The following AGAP1 variants were observed in gnomAD, a reference collection of about 807,000 sequenced individuals.
AGAP1 encodes arf-GAP with GTPase, ANK repeat and PH domain-containing protein 1.
A neutral mutation model predicts 105.3 loss-of-function variants in AGAP1; 29 were observed. The observed-to-expected ratio is 0.28, with a 90% CI of 0.21 to 0.38. The LOEUF is 0.38. AGAP1 is among the 10% of genes least tolerant of loss of function. The pLI is 1.00. For missense variants in AGAP1, 998 were observed against 1,165.1 expected (o/e 0.86, Z 2.09); for synonymous variants, 509 against 485.9 (o/e 1.05, Z -0.63).
chr2:235,960,277 C>T lies in AGAP1; in HGVS notation c.1484-8185C>T, dbSNP rs73130476. Among the ~76,000 whole-genome samples, 2,972 of 152,308 alleles carry T rather than the reference C, an allele frequency of 0.02. 88 individuals carry two copies. Among genetic ancestry groups the T allele is most frequent in the African/African-American group, 0.068 (2,832 of 41,554 alleles). ...CTGCAAGGAGCTCATGAATGCTGGC[C>T]TGGCTTTCTGTTTCCATTCTTGAGA... On this transcript the variant is annotated intron_variant, in intron 12 of 17. Coordinates refer to ENST00000304032, the MANE Select transcript of AGAP1 (RefSeq NM_001037131.3). This position sits in a 1 kb window ranked among gnomAD's most constrained non-coding sequence, Gnocchi z 4.9.
chr2:235,858,513 G>T (rs972410238), intron 9 of AGAP1, among the ~76,000 whole-genome samples: 1 of 152,250 alleles, frequency 6.6e-6, no homozygotes, highest in Non-Finnish European at 1.5e-5. Context: ...GATGCAGTAG[G>T]TTAGGGGGAA....
intron 14 of AGAP1, among the ~76,000 whole-genome samples, chr2:236,039,673 A>G (rs922941329): frequency 6.6e-6 from 1 of 152,230 alleles, no homozygotes; most frequent in African/African-American, 2.4e-5. Flanking sequence ...TAAAATGATG[A>G]TGTCAGAGAG....
At chr2:235,743,250 A>G (rs1011595718) in intron 4 of AGAP1, among the ~76,000 whole-genome samples, 4 of 152,220 alleles carry the variant, frequency 2.6e-5, no homozygotes, top group African/African-American at 4.8e-5. Context: ...TGCCCCCCAC[A>G]CAAGTTGCTG....
At chr2:235,911,737 A>G (rs911557424) in intron 11 of AGAP1, among the ~76,000 whole-genome samples, 2 of 152,212 alleles carry the variant, frequency 1.3e-5, no homozygotes, top group Admixed American at 6.5e-5. Flanking sequence ...CTGTTGGGCA[A>G]ATGGGAGGGT....
At chr2:235,939,137 A>T (rs985108591) in intron 12 of AGAP1, among the ~76,000 whole-genome samples, 4 of 152,150 alleles carry the variant, frequency 2.6e-5, no homozygotes, top group Non-Finnish European at 5.9e-5. Context: ...AGGAAAGACA[A>T]CTTTGACACC....
At chr2:236,085,084 T>C (rs1485620406) in intron 16 of AGAP1, among the ~76,000 whole-genome samples, 3 of 151,370 alleles carry the variant, frequency 2.0e-5, no homozygotes, top group Non-Finnish European at 4.4e-5. Flanking sequence ...GGTGTGGTGG[T>C]GTGCGCCTGT....
chr2:235,725,903 C>T lies in AGAP1; in HGVS notation c.310+8259C>T, dbSNP rs990799210. ...GATGCTAACATTATTATTAGATGTT[C>T]AAAAAAATAATAAAAGGGAAGCATG... On this transcript the variant is annotated intron_variant, in intron 3 of 17. Coordinates refer to ENST00000304032, the MANE Select transcript of AGAP1 (RefSeq NM_001037131.3). The surrounding 1 kb of genome is among the most constrained non-coding windows in gnomAD (Gnocchi z 5.7). 4.6e-5 allele frequency among the ~76,000 whole-genome samples: 7 copies of T among 150,630 alleles called. No homozygotes were observed. The highest frequency in any genetic ancestry group is 1.0e-4 in the Non-Finnish European group (7 of 67,772).
rs532148949 is a variant in AGAP1 at position 235,993,799 on chromosome 2, G to A, written c.1645+25176G>A. ...TGTGTAGATGCTGTTCCAGTCCTGG[G>A]GAGCACAGGTGTGTCCTCACGTGCG... On this transcript the variant is annotated intron_variant, in intron 13 of 17. Transcript: ENST00000304032. The surrounding 1 kb of genome is among the most constrained non-coding windows in gnomAD (Gnocchi z 5.0). Among the ~76,000 whole-genome samples the A allele has an allele frequency of 8.0e-4, 121 of 151,894 alleles. 1 individual carries two copies. Among genetic ancestry groups the A allele is most frequent in the African/African-American group, 2.8e-3 (117 of 41,408 alleles).
chr2:235,620,413 G>A lies in AGAP1; in HGVS notation c.164-88766G>A, dbSNP rs999001113. Among the ~76,000 whole-genome samples, 1 of 152,122 alleles carries A rather than the reference G, an allele frequency of 6.6e-6. No homozygotes were observed. The highest frequency in any genetic ancestry group is 1.5e-5 in the Non-Finnish European group (1 of 68,020). ...CTGCCAAAACCTCCTCCTGGCCCTCGCCTTCTGCCACTCTCCCCTTGCTCA... is the reference window on the plus strand; with the variant it reads ...CTGCCAAAACCTCCTCCTGGCCCTCACCTTCTGCCACTCTCCCCTTGCTCA... On this transcript the variant is annotated intron_variant, in intron 1 of 17. Transcript: ENST00000304032. The surrounding 1 kb of genome is among the most constrained non-coding windows in gnomAD (Gnocchi z 4.5).
chr2:235,839,347 C>T (rs910192936), intron 9 of AGAP1, among the ~76,000 whole-genome samples: 1 of 152,306 alleles, frequency 6.6e-6, no homozygotes, highest in East Asian at 1.9e-4. Context: ...ACTCCGTCCA[C>T]GGAGGGTCAG....
intron 1 of AGAP1, among the ~76,000 whole-genome samples, chr2:235,624,405 T>A (rs887843724): frequency 6.6e-6 from 1 of 152,208 alleles, no homozygotes; most frequent in African/African-American, 2.4e-5. Flanking sequence ...TCTGTGTGCA[T>A]GAGGGGAAGC....
rs1166883707 is a variant in AGAP1, at chr2:235,905,042, AGCCCATGCTGAGCTAAAG to A, written c.1156-3695_1156-3678del. 6.6e-6 allele frequency among the ~76,000 whole-genome samples: 1 copy of A among 152,130 alleles called. No homozygotes were observed. The highest frequency in any genetic ancestry group is 1.5e-5 in the Non-Finnish European group (1 of 68,024). ...ACTCAGGCAAGAAAACAGATCCCTT[AGCCCATGCTGAGCTAAAG>A]ATAAATGGGTTCCCTTGCCGCTTTC... On this transcript the variant is annotated intron_variant, in intron 10 of 17. Transcript: ENST00000304032. This position sits in a 1 kb window ranked among gnomAD's most constrained non-coding sequence, Gnocchi z 4.2.
chr2:235,990,397 G>A (rs539782275), intron 13 of AGAP1, among the ~76,000 whole-genome samples: 4 of 152,294 alleles, frequency 2.6e-5, no homozygotes, highest in Non-Finnish European at 5.9e-5. Flanking sequence ...TGTCTGCCTC[G>A]TGATGTTTGG....
In AGAP1 at chr2:236,120,310, C is replaced by T; in HGVS notation, c.2233C>T (p.Leu745=). Residue 745 remains leucine, a synonymous_variant, in exon 17 of 18, where the codon CTG becomes TTG. Transcript: ENST00000304032. This position sits in a 1 kb window ranked among gnomAD's most constrained non-coding sequence, Gnocchi z 6.0. The part of the protein sequence containing the change: ...HLLRATADED[L]RTAILLLAHG... Reference sequence around the variant, plus strand: ...GCTGCGGGCCACCGCCGACGAGGACCTGCGGACGGCCATCCTGCTGCTGGC... The same window carrying T: ...GCTGCGGGCCACCGCCGACGAGGACTTGCGGACGGCCATCCTGCTGCTGGC... 3 of 1,612,728 alleles carry T rather than the reference C, an allele frequency of 1.9e-6. No individual in the cohort carries two copies. Among genetic ancestry groups the T allele is most frequent in the South Asian group, 1.1e-5 (1 of 90,996 alleles).
chr2:236,030,719 G>A (rs115770302), intron 13 of AGAP1, among the ~76,000 whole-genome samples: 129 of 152,314 alleles, frequency 8.5e-4, no homozygotes, highest in African/African-American at 2.9e-3. Flanking sequence ...AGTCAGCTTG[G>A]AGGGGAAGCC....
At chr2:235,687,250 C>T (rs1042183179) in intron 1 of AGAP1, among the ~76,000 whole-genome samples, 1 of 152,312 alleles carries the variant, frequency 6.6e-6, no homozygotes, top group East Asian at 1.9e-4. Flanking sequence ...TTCCACACCA[C>T]AGGAGATGTT....
chr2:235,634,985 G>T (rs116090017), intron 1 of AGAP1, among the ~76,000 whole-genome samples: 3,521 of 151,802 alleles, frequency 0.023, 132 homozygotes, highest in African/African-American at 0.078. Flanking sequence ...GCTGTAGACA[G>T]TGGCCAACCG....
intron 13 of AGAP1, among the ~76,000 whole-genome samples, chr2:236,024,943 C>T (rs904033647): frequency 6.6e-6 from 1 of 152,210 alleles, no homozygotes; most frequent in Non-Finnish European, 1.5e-5. Context: ...AATCACAAAA[C>T]TTTATTAAAC....
rs1576367598 is a variant in AGAP1 at position 236,129,557 on chromosome 2, C to T, written c.*5435C>T. On this transcript the variant is annotated 3_prime_UTR_variant, in exon 18 of 18. Transcript: ENST00000304032. The surrounding 1 kb of genome is among the most constrained non-coding windows in gnomAD (Gnocchi z 6.2). Reference sequence around the variant, plus strand: ...GATTAGAGAGAAGTGGCCAGTGTCCCGTCTGTGATTAGACAGAAACCCCTG... The same window carrying T: ...GATTAGAGAGAAGTGGCCAGTGTCCTGTCTGTGATTAGACAGAAACCCCTG... The T allele has an allele frequency of 6.6e-6, 1 of 152,152 alleles. No individual in the cohort carries two copies. Among genetic ancestry groups the T allele is most frequent in the African/African-American group, 2.4e-5 (1 of 41,432 alleles). The allele number at this position is 152,152 out of a possible 1,614,324, so 9.4% of individuals were successfully genotyped here.
Sources: gnomAD v4.1 joint callset for allele counts (sites outside exome capture counted in the v4.1 genomes callset) on GRCh38, gnomAD v4.1.1 for gene constraint, Gnocchi (gnomAD v3.1) non-coding constraint, MANE v1.5 for transcripts, NCBI Gene and HGNC (gene_info 2026-07-23, HGNC 2026-07-21) for gene names.